Variants in SLC29A3 observed in about 807,000 individuals in gnomAD.
SLC29A3 encodes the protein equilibrative nucleoside transporter 3.
Under a neutral mutation model 25.4 loss-of-function variants are expected in SLC29A3, and 18 were observed. The ratio of observed to expected loss-of-function variants is 0.71; its 90% CI spans 0.49 to 1.05. SLC29A3 has a LOEUF of 1.05. Ranked by LOEUF, SLC29A3 falls within the 50% of genes least tolerant of loss-of-function variation. The probability of loss-of-function intolerance (pLI) is 0.00; values close to 1 mark genes in which losing one functional copy is unlikely to be tolerated. For missense variants in SLC29A3, 586 were observed against 609.0 expected (o/e 0.96, Z 0.40); for synonymous variants, 258 against 267.1 (o/e 0.97, Z 0.33).
At position 71,325,680 on chromosome 10, in the gene SLC29A3, C is replaced by T. The variant is rs112207113; in HGVS notation, c.300+2626C>T. Among the ~76,000 whole-genome samples, 1,174 of 152,186 alleles carry T rather than the reference C, an allele frequency of 7.7e-3. 4 individuals carry two copies. Among genetic ancestry groups the T allele is most frequent in the African/African-American group, 0.024 (995 of 41,488 alleles). ...TACAGCTGAGGAAGTGCCACAGGAA[C>T]GCCGCAGAGTAGTTTACAGCCCCTC... On this transcript the variant is annotated intron_variant, in intron 2 of 5. Transcript: ENST00000373189.
At chr10:71,369,251 A>C (rs1195908952) in intron 3 of SLC29A3, among the ~76,000 whole-genome samples, 1 of 152,198 alleles carries the variant, frequency 6.6e-6, no homozygotes, top group Non-Finnish European at 1.5e-5. Flanking sequence ...TATAGAAGCC[A>C]CCCAGGCTAT....
intron 2 of SLC29A3, among the ~76,000 whole-genome samples, chr10:71,332,150 T>C (rs1846133433): frequency 7.1e-6 from 1 of 141,440 alleles, no homozygotes. Flanking sequence ...TTTCTTTTTT[T>C]TCTTTTTTTT....
intron 4 of SLC29A3, chr10:71,375,953 A>G (rs1035024384): frequency 2.6e-5 from 4 of 152,262 alleles, no homozygotes; most frequent in Non-Finnish European, 5.9e-5. Context: ...GAGGGCAGAA[A>G]GCTGGCCATT....
chr10:71,323,187 G>A (rs1845892983), intron 2 of SLC29A3, 133 bp downstream of exon 2: 2 of 1,202,952 alleles, frequency 1.7e-6, no homozygotes, highest in African/African-American at 3.0e-5. Flanking sequence ...GGAAGAAGAT[G>A]CAAATTATGG....
At chr10:71,324,561 A>G (rs1231048153) in intron 2 of SLC29A3, among the ~76,000 whole-genome samples, 5 of 152,328 alleles carry the variant, frequency 3.3e-5, no homozygotes, top group African/African-American at 7.2e-5. Context: ...GTTAAACAAT[A>G]TGGGTTTGAA....
At position 71,362,077 on chromosome 10, in the gene SLC29A3, C is replaced by A. The variant is rs537544870; in HGVS notation, c.897C>A (p.Arg299=). Residue 299 remains arginine, a synonymous_variant, in exon 6 of 6, where the codon CGC becomes CGA. Coordinates refer to ENST00000373189, the MANE Select transcript of SLC29A3 (RefSeq NM_018344.6). The part of the protein sequence containing the change: ...RFIDSHTPPL[R]PILKKTASLG... ...TTGATTCCCACACACCCCCTCTCCG[C>A]CCCATCCTGAAGAAGACGGCCAGCC... is the stretch of plus-strand genomic sequence containing the variant. The A allele has an allele frequency of 6.2e-7, 1 of 1,614,030 alleles. No individual in the cohort carries two copies.
intron 2 of SLC29A3, among the ~76,000 whole-genome samples, chr10:71,342,454 G>A (rs752948111): frequency 1.3e-5 from 2 of 152,234 alleles, no homozygotes; most frequent in Non-Finnish European, 2.9e-5. Flanking sequence ...AACATTAAAT[G>A]ATACCTTTTA....
intron 2 of SLC29A3, among the ~76,000 whole-genome samples, chr10:71,333,981 G>A (rs1187779342): frequency 6.6e-6 from 1 of 152,234 alleles, no homozygotes; most frequent in Non-Finnish European, 1.5e-5. Context: ...AGGGGACCTT[G>A]CGAAGGCTTG....
intron 2 of SLC29A3, among the ~76,000 whole-genome samples, chr10:71,336,779 C>T (rs1254413772): frequency 1.3e-5 from 2 of 151,976 alleles, no homozygotes; most frequent in African/African-American, 4.8e-5. Flanking sequence ...GCACACACTG[C>T]AAGGAGGAAG....
intron 3 of SLC29A3, among the ~76,000 whole-genome samples, chr10:71,349,400 GAC>G (rs1846686258): frequency 6.6e-6 from 1 of 152,144 alleles, no homozygotes; most frequent in Non-Finnish European, 1.5e-5. Context: ...AGCAGCCCCA[GAC>G]ACAGTCTCGG....
intron 2 of SLC29A3, among the ~76,000 whole-genome samples, chr10:71,328,394 G>A (rs564243049): frequency 6.6e-5 from 10 of 152,306 alleles, no homozygotes; most frequent in East Asian, 5.8e-4. Flanking sequence ...TCCCCATCAC[G>A]TTCCTGCCCT....
intron 1 of SLC29A3, 135 bp downstream of exon 1, chr10:71,319,445 G>C (rs1845795588): frequency 4.2e-6 from 2 of 470,756 alleles, no homozygotes; most frequent in South Asian, 6.5e-5. Flanking sequence ...CCCCATCCGT[G>C]GTCCCTTCCC....
At chr10:71,363,812 TC>T (rs1455100161), downstream of SLC29A3, among the ~76,000 whole-genome samples, 1,114 of 112,118 alleles carry the variant, frequency 9.9e-3, 106 homozygotes, top group South Asian at 0.035. Flanking sequence ...CTTTTTCTTT[TC>T]TTTTTTTTTT....
At chr10:71,332,050 C>T (rs1220296177) in intron 2 of SLC29A3, among the ~76,000 whole-genome samples, 1 of 152,134 alleles carries the variant, frequency 6.6e-6, no homozygotes, top group Non-Finnish European at 1.5e-5. Context: ...CGTTTTAGTG[C>T]TACTCAGATC....
intron 2 of SLC29A3, among the ~76,000 whole-genome samples, chr10:71,337,630 C>T (rs1383764499): frequency 2.0e-5 from 3 of 152,234 alleles, no homozygotes; most frequent in East Asian, 3.9e-4. Context: ...CTGAGTCTGC[C>T]GCAGCTCGTG....
chr10:71,377,511 C>A (rs1847262189), intron 4 of SLC29A3, among the ~76,000 whole-genome samples: 1 of 152,192 alleles, frequency 6.6e-6, no homozygotes, highest in South Asian at 2.1e-4. Context: ...CGGGGCAGGC[C>A]GGGAGCCGGG....
At chr10:71,340,015 A>G (rs576004850) in intron 2 of SLC29A3, among the ~76,000 whole-genome samples, 3 of 152,348 alleles carry the variant, frequency 2.0e-5, no homozygotes, top group Admixed American at 6.5e-5. Context: ...ACAAAGGGAC[A>G]GGTCAAAACA....
intron 2 of SLC29A3, among the ~76,000 whole-genome samples, chr10:71,330,255 T>G (rs1846088195): frequency 6.6e-6 from 1 of 151,376 alleles, no homozygotes; most frequent in Non-Finnish European, 1.5e-5. Context: ...GGAAAAGGAG[T>G]GATAGGGCCA....
At chr10:71,338,184 G>T (rs1439264990) in intron 2 of SLC29A3, among the ~76,000 whole-genome samples, 1 of 152,240 alleles carries the variant, frequency 6.6e-6, no homozygotes, top group African/African-American at 2.4e-5. Context: ...TGCAGGGGTT[G>T]CAGAGTAAGG....
Sources: gnomAD v4.1 joint callset for allele counts (sites outside exome capture counted in the v4.1 genomes callset) on GRCh38, gnomAD v4.1.1 for gene constraint, MANE v1.5 for transcripts, NCBI Gene and HGNC (gene_info 2026-07-23, HGNC 2026-07-21) for gene names.